The following MTCL1 variants were observed in gnomAD, a reference collection of about 807,000 sequenced individuals.
MTCL1 encodes microtubule crosslinking factor 1.
A neutral mutation model predicts 141.4 loss-of-function variants in MTCL1; 79 were observed. The ratio of observed to expected loss-of-function variants is 0.56; its 90% confidence interval spans 0.47 to 0.67. MTCL1 has a LOEUF of 0.67. MTCL1 is among the 30% of genes least tolerant of loss of function. The pLI is 0.00. For synonymous variants in MTCL1, 914 were observed against 875.8 expected, an observed-to-expected ratio of 1.04 and a Z score of -0.77; for missense variants, 2,177 against 2,113.9, an observed-to-expected ratio of 1.03 and a Z score of -0.59.
chr18:8,714,595 A>G (rs139802733), upstream of MTCL1, among the ~76,000 whole-genome samples: 294 of 152,268 alleles, frequency 1.9e-3, 1 homozygote, highest in African/African-American at 6.3e-3. Context: ...GTGTGCAGGG[A>G]AACTGCCGTT....
chr18:8,707,731 T>C (rs2096065852), intron 1 of MTCL1: 1 of 152,340 alleles, frequency 6.6e-6, no homozygotes, highest in African/African-American at 2.4e-5. Context: ...CAGTGGGTTA[T>C]GTGATTTGAG....
intron 13 of MTCL1, among the ~76,000 whole-genome samples, chr18:8,820,105 C>A (rs940753750): frequency 1.3e-5 from 2 of 152,040 alleles, no homozygotes; most frequent in Non-Finnish European, 2.9e-5. Context: ...ATTTTTAAAA[C>A]CTTGTTTTAA....
intron 7 of MTCL1, 88 bp from the exon 7 acceptor site, chr18:8,792,910 C>T (rs1377044664): frequency 1.3e-6 from 2 of 1,552,964 alleles, no homozygotes; most frequent in Admixed American, 3.5e-5. Flanking sequence ...CGTGTGCGTC[C>T]CCAGCTTGTG....
intron 6 of MTCL1, chr18:8,785,658 T>C (rs1396954402): frequency 4.5e-6 from 2 of 448,964 alleles, no homozygotes; most frequent in Non-Finnish European, 8.0e-6. Context: ...AACCAGTGTT[T>C]TGCACCCCCA....
At chr18:8,727,153 T>TAC (rs2096221138) in intron 4 of MTCL1, among the ~76,000 whole-genome samples, 3 of 152,204 alleles carry the variant, frequency 2.0e-5, no homozygotes, top group Non-Finnish European at 4.4e-5. Flanking sequence ...TATTGCTGCG[T>TAC]AGTATTCCAT....
exon 1 of MTCL1, chr18:8,706,076 A>T: frequency 8.3e-7 from 1 of 1,198,394 alleles, no homozygotes; most frequent in Non-Finnish European, 1.0e-6. Context: ...GCGCCCGCGG[A>T]GCCGCTGTCC....
chr18:8,812,824 T>G, intron 11 of MTCL1, 155 bp from the exon 11 acceptor site: 1 of 917,768 alleles, frequency 1.1e-6, no homozygotes, highest in Non-Finnish European at 1.6e-6. Flanking sequence ...ACGCTCTTAA[T>G]TAGGACTTTA....
intron 4 of MTCL1, among the ~76,000 whole-genome samples, chr18:8,759,338 G>A (rs956399024): frequency 5.9e-5 from 9 of 152,186 alleles, no homozygotes; most frequent in African/African-American, 2.2e-4. Flanking sequence ...TTCATTCTTG[G>A]TCACTAGCTG....
chr18:8,819,144 C>T (rs748683245), exon 13 of MTCL1: 4 of 1,614,224 alleles, frequency 2.5e-6, no homozygotes, highest in South Asian at 1.1e-5. Context: ...CTGAAGGAGT[C>T]GGACAGGTGC....
At chr18:8,808,828 G>T (rs2076387710) in intron 11 of MTCL1, among the ~76,000 whole-genome samples, 1 of 152,208 alleles carries the variant, frequency 6.6e-6, no homozygotes, top group Non-Finnish European at 1.5e-5. Context: ...GCAGTGGGGG[G>T]ACCTAGACAA....
rs142108234 is a variant in MTCL1, at chr18:8,819,025, C to T, written c.2922C>T (p.Asn974=). Residue 974 remains asparagine (N), a synonymous_variant, in exon 13 of 17, where the codon AAC becomes AAT. Coordinates refer to ENST00000359865, the Ensembl canonical transcript of MTCL1. ...TCCTCTGTGATCAAAAAGACGGCAA[C>T]GTTCGCCCCTTTCCCCACCAGGGAA... 3.0e-4 allele frequency: 478 copies of T among 1,614,144 alleles called. 1 individual carries two copies. The highest frequency in any genetic ancestry group is 3.9e-4 in the Non-Finnish European group (459 of 1,180,058).
intron 12 of MTCL1, among the ~76,000 whole-genome samples, chr18:8,815,458 TGG>T (rs2076622062): frequency 6.6e-6 from 1 of 151,752 alleles, no homozygotes. Flanking sequence ...CATCACACTC[TGG>T]GGACTGTTGT....
chr18:8,819,032 C>A (rs1289205803), exon 13 of MTCL1: 1 of 1,614,282 alleles, frequency 6.2e-7, no homozygotes, highest in Non-Finnish European at 8.5e-7. Flanking sequence ...CAACGTTCGC[C>A]CCTTTCCCCA....
In MTCL1 at chr18:8,825,290, C is replaced by T. The variant is rs535960058; in HGVS notation, c.3780C>T (p.Pro1260=). Residue 1260 remains proline, a synonymous_variant, in exon 15 of 17, where the codon CCC becomes CCT. Transcript: ENST00000359865. ...GGGCACGGCGCCCCCTTGATAGTCC[C>T]CTCTGTACCTCCCTGGGGTTTGCCT... is the stretch of plus-strand genomic sequence containing the variant. The T allele has an allele frequency of 6.5e-6, 10 of 1,548,654 alleles. No homozygotes were observed. In the Admixed American group the frequency reaches 2.0e-4, roughly 31 times the overall value.
In MTCL1 at chr18:8,798,083, C is replaced by G. The variant is rs368316783; in HGVS notation, c.2242-14C>G. ...TTGGCTGAAGCTGTGATCGTCACCT[C>G]CTGCCTGTTTCAGGGTGAACATCCA... On this transcript the variant is annotated splice_polypyrimidine_tract_variant and intron_variant, in intron 9 of 16. Transcript: ENST00000359865. 26 of 1,568,974 alleles carry G rather than the reference C, an allele frequency of 1.7e-5. No homozygotes were observed. Among genetic ancestry groups the G allele is most frequent in the Admixed American group, 2.0e-5 (1 of 49,060 alleles).
rs2148729216 is a variant in MTCL1 at position 8,705,671 on chromosome 18, T to C, written c.11T>C (p.Leu4Pro). ...CCGGCGGACCCGGCCATGGAGACACTGAACGGCCCCGCGGGCGGAGGTGCC... is the reference window on the plus strand; with the variant it reads ...CCGGCGGACCCGGCCATGGAGACACCGAACGGCCCCGCGGGCGGAGGTGCC... The change falls in exon 1 of 14, where the codon CTG (leucine) becomes CCG (proline). Residue 4 changes from leucine to proline, a missense_variant. By Grantham distance (98) the Leu-to-Pro change is moderately conservative (BLOSUM62 -3). Transcript: ENST00000306329. The surrounding 1 kb of genome is among the most constrained non-coding windows in gnomAD (Gnocchi z 5.2). 3 of 1,200,912 alleles carry C rather than the reference T, an allele frequency of 2.5e-6. No homozygotes were observed. Among genetic ancestry groups the C allele is most frequent in the Non-Finnish European group, 3.1e-6 (3 of 968,226 alleles). The allele number at this position is 1,200,912 out of a possible 1,614,324, so 74.4% of individuals were successfully genotyped here.
chr18:8,809,573 G>C, intron 11 of MTCL1: 1 of 1,536,054 alleles, frequency 6.5e-7, no homozygotes, highest in Non-Finnish European at 8.7e-7. Flanking sequence ...TGAGAGGGGT[G>C]ACTCTGAAGT....
chr18:8,807,163 T>C, intron 11 of MTCL1, 103 bp downstream of exon 10: 1 of 1,244,234 alleles, frequency 8.0e-7, no homozygotes. Flanking sequence ...CATGGGCTTC[T>C]TGTCCAGGAA....
chr18:8,812,683 C>T (rs74939503), intron 11 of MTCL1, among the ~76,000 whole-genome samples: 8,059 of 152,252 alleles, frequency 0.053, 321 homozygotes, highest in Middle Eastern at 0.095. Flanking sequence ...GACATGGTAC[C>T]TGCCCACAAG....
Sources: allele counts gnomAD v4.1 joint callset (sites outside exome capture counted in the v4.1 genomes callset), GRCh38; gene constraint gnomAD v4.1.1; non-coding constraint Gnocchi (gnomAD v3.1); transcripts MANE v1.5; gene names NCBI Gene and HGNC (gene_info 2026-07-23, HGNC 2026-07-21).